MTHFD2L: variants seen among roughly 807,000 people sequenced by gnomAD.
The protein encoded by MTHFD2L is methylenetetrahydrofolate dehydrogenase (NADP+ dependent) 2 like.
Under a neutral mutation model 34.9 loss-of-function variants are expected in MTHFD2L, and 29 were observed. The observed-to-expected ratio is 0.83, with a 90% CI of 0.62 to 1.13. The LOEUF (loss-of-function observed/expected upper bound fraction) is 1.13. Among genes scored for constraint, MTHFD2L ranks in the 50% most tolerant of loss-of-function variants. The pLI, the probability that MTHFD2L is intolerant of heterozygous loss-of-function variation, is 0.00. For synonymous variants in MTHFD2L, 167 were observed against 155.7 expected, an observed-to-expected ratio of 1.07 and a Z score of -0.54; for missense variants, 481 against 446.5, an observed-to-expected ratio of 1.08 and a Z score of -0.70.
At chr4:74,176,130 T>C (rs1013109556) in intron 3 of MTHFD2L, among the ~76,000 whole-genome samples, 4 of 152,042 alleles carry the variant, frequency 2.6e-5, no homozygotes, top group Non-Finnish European at 5.9e-5. Context: ...GATGTTGTTG[T>C]CTTTTTTATT....
chr4:74,197,796 A>T (rs1170348678), intron 3 of MTHFD2L, among the ~76,000 whole-genome samples: 1 of 152,190 alleles, frequency 6.6e-6, no homozygotes, highest in South Asian at 2.1e-4. Context: ...TAATATAATC[A>T]TTGTAAAGCA....
intron 2 of MTHFD2L, 21 bp from the exon 3 acceptor site, chr4:74,175,260 C>T: frequency 6.2e-7 from 1 of 1,609,006 alleles, no homozygotes; most frequent in East Asian, 2.2e-5. Context: ...AAGTGACCTT[C>T]TCTACCTGTT....
intron 6 of MTHFD2L, among the ~76,000 whole-genome samples, chr4:74,263,415 G>A (rs977098352): frequency 6.6e-6 from 1 of 151,870 alleles, no homozygotes; most frequent in Non-Finnish European, 1.5e-5. Flanking sequence ...ATTGCTTTGG[G>A]CAGTATGGCC....
chr4:74,141,546 C>A (rs944772092), intron 1 of MTHFD2L, among the ~76,000 whole-genome samples: 5 of 152,198 alleles, frequency 3.3e-5, no homozygotes, highest in Non-Finnish European at 5.9e-5. Context: ...AGTCTTCTAA[C>A]CCTCCAAGGT....
intron 3 of MTHFD2L, among the ~76,000 whole-genome samples, chr4:74,177,406 A>G (rs1043917036): frequency 1.3e-5 from 2 of 152,008 alleles, no homozygotes; most frequent in East Asian, 1.9e-4. Flanking sequence ...CTGTATAAAC[A>G]TGTCACAACA....
upstream of MTHFD2L, among the ~76,000 whole-genome samples, chr4:74,120,120 G>T (rs756280344): frequency 8.2e-4 from 125 of 152,326 alleles, no homozygotes; most frequent in Non-Finnish European, 1.1e-3. Context: ...CTTTGCTATT[G>T]GTGAAGAGTT....
At chr4:74,151,502 T>G (rs1052082858) in intron 1 of MTHFD2L, among the ~76,000 whole-genome samples, 7 of 152,216 alleles carry the variant, frequency 4.6e-5, no homozygotes, top group African/African-American at 1.7e-4. Context: ...TACCTGAGAC[T>G]TGAACTCCAC....
chr4:74,264,946 G>A (rs954361891), intron 6 of MTHFD2L, among the ~76,000 whole-genome samples: 17 of 152,140 alleles, frequency 1.1e-4, no homozygotes, highest in Admixed American at 9.8e-4. Context: ...CACATGTGGA[G>A]ATATTAAGAT....
intron 6 of MTHFD2L, among the ~76,000 whole-genome samples, chr4:74,263,265 A>C (rs1253265091): frequency 2.6e-5 from 4 of 151,938 alleles, no homozygotes; most frequent in Non-Finnish European, 5.9e-5. Flanking sequence ...GGGTAGCATG[A>C]TGCCTCCAGT....
At chr4:74,247,448 T>C (rs1232808969) in intron 6 of MTHFD2L, among the ~76,000 whole-genome samples, 2 of 151,976 alleles carry the variant, frequency 1.3e-5, no homozygotes. Flanking sequence ...GACTTCCTCT[T>C]TTCCTAATTG....
rs113903564 is a variant in MTHFD2L at position 74,257,381 on chromosome 4, G to A, written c.806-24044G>A. Among the ~76,000 whole-genome samples, 1,253 of 152,218 alleles carry A rather than the reference G, an allele frequency of 8.2e-3. 11 individuals are homozygous for A. The highest frequency in any genetic ancestry group is 0.013 in the Non-Finnish European group (865 of 68,000). On this transcript the variant is annotated intron_variant, in intron 6 of 7. Coordinates refer to ENST00000325278, the MANE Select transcript of MTHFD2L (RefSeq NM_001144978.3). ...AAGTTCAACTATATTCTGTCTACAG[G>A]TGACTCGCTTTATCTTTAAGGACAC...
intron 5 of MTHFD2L, among the ~76,000 whole-genome samples, chr4:74,215,413 A>G (rs1163456540): frequency 2.0e-5 from 3 of 151,746 alleles, no homozygotes; most frequent in Non-Finnish European, 4.4e-5. Flanking sequence ...CGTCCCTCAC[A>G]TCACAGTTTC....
chr4:74,275,350 T>G (rs1437118225), intron 6 of MTHFD2L, among the ~76,000 whole-genome samples: 1 of 152,198 alleles, frequency 6.6e-6, no homozygotes, highest in Non-Finnish European at 1.5e-5. Context: ...CCATCATTGA[T>G]GGGCATTTGG....
At chr4:74,208,809 A>T (rs891019357) in intron 5 of MTHFD2L, among the ~76,000 whole-genome samples, 1 of 152,122 alleles carries the variant, frequency 6.6e-6, no homozygotes, top group African/African-American at 2.4e-5. Context: ...TTCTCTGAGG[A>T]GCCCTTTTTG....
chr4:74,213,217 G>A (rs1299879038), intron 5 of MTHFD2L, among the ~76,000 whole-genome samples: 1 of 152,120 alleles, frequency 6.6e-6, no homozygotes, highest in African/African-American at 2.4e-5. Flanking sequence ...ATATTGTTAT[G>A]TGTGAATTTG....
At chr4:74,287,343 CT>C (rs1309359702) in intron 7 of MTHFD2L, among the ~76,000 whole-genome samples, 2 of 152,086 alleles carry the variant, frequency 1.3e-5, no homozygotes, top group Non-Finnish European at 2.9e-5. Context: ...TTGGTTCATC[CT>C]TTTTCTATTG....
upstream of MTHFD2L, among the ~76,000 whole-genome samples, chr4:74,125,104 G>T (rs1346080866): frequency 6.6e-6 from 1 of 152,100 alleles, no homozygotes; most frequent in Non-Finnish European, 1.5e-5. Context: ...CTGACATTTT[G>T]CAGAGTTAAA....
chr4:74,268,373 A>C, intron 6 of MTHFD2L: 1 of 498,494 alleles, frequency 2.0e-6, no homozygotes, highest in Non-Finnish European at 2.6e-6. Flanking sequence ...GATCCACCTG[A>C]GTAAGCATTT....
At chr4:74,224,362 A>ATGG (rs1325845352) in intron 5 of MTHFD2L, among the ~76,000 whole-genome samples, 5 of 152,078 alleles carry the variant, frequency 3.3e-5, no homozygotes, top group Non-Finnish European at 1.5e-5. Context: ...TTCTCCCTGT[A>ATGG]TGGTATCTAC....
Sources: allele counts gnomAD v4.1 joint callset (sites outside exome capture counted in the v4.1 genomes callset), GRCh38; gene constraint gnomAD v4.1.1; transcripts MANE v1.5; gene names NCBI Gene and HGNC (gene_info 2026-07-23, HGNC 2026-07-21).